PCDHA7: variants seen among roughly 807,000 people sequenced by gnomAD.
PCDHA7 encodes the protein protocadherin alpha 7.
Under a neutral mutation model 57.2 loss-of-function variants are expected in PCDHA7, and 37 were observed. The observed-to-expected ratio is 0.65, with a 90% CI of 0.50 to 0.85. PCDHA7 has a LOEUF of 0.85. Among genes scored for constraint, PCDHA7 ranks in the 40% least tolerant of loss-of-function variants. PCDHA7 has a pLI of 0.00. For missense variants in PCDHA7, 1,188 were observed against 1,241.8 expected (o/e 0.96, Z 0.65); for synonymous variants, 553 against 558.8 (o/e 0.99, Z 0.15).
intron 1 of PCDHA7, among the ~76,000 whole-genome samples, chr5:140,960,254 C>T (rs2095534958): frequency 6.6e-6 from 1 of 152,138 alleles, no homozygotes; most frequent in South Asian, 2.1e-4. Flanking sequence ...CTTCCTGGAG[C>T]TTCTGATAAA....
intron 1 of PCDHA7, chr5:140,876,266 A>T: frequency 6.2e-7 from 1 of 1,614,012 alleles, no homozygotes; most frequent in South Asian, 1.1e-5. Context: ...ATCCAACTAA[A>T]TGCTTCCGAT....
chr5:140,942,316 A>G (rs1197832358), intron 1 of PCDHA7, among the ~76,000 whole-genome samples: 1 of 152,100 alleles, frequency 6.6e-6, no homozygotes, highest in Non-Finnish European at 1.5e-5. Flanking sequence ...AGGTCGAGGC[A>G]CAAGAATCAC....
chr5:140,876,191 C>T (rs1313911800), intron 1 of PCDHA7: 3 of 1,613,760 alleles, frequency 1.9e-6, no homozygotes, highest in Non-Finnish European at 2.5e-6. Context: ...GACAATGGTC[C>T]GGCGTTTGAT....
intron 1 of PCDHA7, among the ~76,000 whole-genome samples, chr5:140,944,130 G>C (rs141500614): frequency 3.9e-4 from 60 of 152,256 alleles, no homozygotes; most frequent in Non-Finnish European, 7.9e-4. Context: ...AGAAGAAAAG[G>C]TTGAAGATTA....
chr5:140,987,536 A>G (rs555442118), intron 3 of PCDHA7, among the ~76,000 whole-genome samples: 126 of 152,290 alleles, frequency 8.3e-4, no homozygotes, highest in Non-Finnish European at 1.6e-3. Context: ...TCCTGGGACC[A>G]TTACTTAACT....
chr5:140,855,926 G>A lies in PCDHA7; in HGVS notation c.2355+19188G>A, dbSNP rs1420815177. On this transcript the variant is annotated intron_variant, in intron 1 of 3. Transcript: ENST00000525929. ...AGTTTCTCAAGGACTAGGAAGTAGC[G>A]TCATTCTGAGATCTCAGCCATTTCG... is the stretch of plus-strand genomic sequence containing the variant. 2.4e-6 allele frequency: 3 copies of A among 1,256,218 alleles called. 1 individual carries two copies. The highest frequency in any genetic ancestry group is 3.3e-6 in the Non-Finnish European group (3 of 905,286). 77.8% of individuals were successfully genotyped at this position (1,256,218 alleles called of 1,614,324 possible). A position where few individuals can be genotyped will look rare whatever the true frequency, so the allele number is the denominator to read the frequency against.
intron 1 of PCDHA7, among the ~76,000 whole-genome samples, chr5:140,904,548 A>T (rs1280388333): frequency 1.3e-5 from 2 of 152,050 alleles, no homozygotes; most frequent in Admixed American, 1.3e-4. Flanking sequence ...TCTTTTTCAT[A>T]TAATGACTTT....
intron 1 of PCDHA7, chr5:140,877,626 C>T: frequency 6.2e-7 from 1 of 1,613,828 alleles, no homozygotes; most frequent in African/African-American, 1.3e-5. Context: ...TGCTGCTGTA[C>T]ACTGCGCTGC....
intron 1 of PCDHA7, among the ~76,000 whole-genome samples, chr5:140,959,621 A>G (rs1198133284): frequency 6.6e-6 from 1 of 152,152 alleles, no homozygotes; most frequent in African/African-American, 2.4e-5. Flanking sequence ...CTTGTGATAG[A>G]AAAAAAGAGA....
chr5:140,850,537 G>T (rs115218749), intron 1 of PCDHA7: 1 of 1,598,212 alleles, frequency 6.3e-7, no homozygotes, highest in Non-Finnish European at 8.6e-7. Context: ...TCATCGTCGC[G>T]GGCGTCAGTG....
At position 140,842,876 on chromosome 5, in the gene PCDHA7, G is replaced by C. The variant is rs78119592; in HGVS notation, c.2355+6138G>C. On this transcript the variant is annotated intron_variant, in intron 1 of 3. Coordinates refer to ENST00000525929, the MANE Select transcript of PCDHA7 (RefSeq NM_018910.3). ...GCACACGGAGAGCGGCAAGGTGTAC[G>C]CGCTGCAGCCGCTGGACCACGAGGA... The C allele has an allele frequency of 5.6e-6, 9 of 1,593,878 alleles. 1 individual carries two copies. Among genetic ancestry groups the C allele is most frequent in the Non-Finnish European group, 7.7e-6 (9 of 1,165,430 alleles).
rs782398517 is a variant in PCDHA7, at chr5:140,857,600, G to A, written c.2355+20862G>A. The A allele has an allele frequency of 5.0e-6, 8 of 1,596,228 alleles. No homozygotes were observed. In the African/African-American group the frequency reaches 9.4e-5, roughly 19 times the overall value. ...GCACGCGGAGAGCGGCAAGGTGTAC[G>A]CGCTGCAGCCGCTGGACCACGAGGA... is the stretch of plus-strand genomic sequence containing the variant. On this transcript the variant is annotated intron_variant, in intron 1 of 3. Transcript: ENST00000525929.
At chr5:140,922,577 T>C (rs155818) in intron 1 of PCDHA7, among the ~76,000 whole-genome samples, 48,013 of 152,060 alleles carry the variant, frequency 0.32, 7,938 homozygotes, top group East Asian at 0.53. Flanking sequence ...AGTTGCCCTG[T>C]AGCCGCCAGT....
chr5:140,881,909 G>T (rs941994896), intron 1 of PCDHA7: 6 of 230,500 alleles, frequency 2.6e-5, no homozygotes, highest in Non-Finnish European at 5.1e-5. Context: ...AATATAAAAT[G>T]TTGAGCAGAA....
chr5:140,858,776 C>T, intron 1 of PCDHA7: 1 of 420,692 alleles, frequency 2.4e-6, no homozygotes, highest in Non-Finnish European at 4.3e-6. Flanking sequence ...GAGATTAGTA[C>T]TTCATGTTAT....
At chr5:141,003,052 A>G (rs782531629) in intron 3 of PCDHA7, among the ~76,000 whole-genome samples, 17 of 152,230 alleles carry the variant, frequency 1.1e-4, no homozygotes, top group Non-Finnish European at 1.9e-4. Context: ...CCTTAACAGA[A>G]CAGTTCCAAA....
At chr5:140,898,511 G>A (rs373963449) in intron 1 of PCDHA7, among the ~76,000 whole-genome samples, 16 of 151,912 alleles carry the variant, frequency 1.1e-4, no homozygotes, top group South Asian at 4.2e-4. Context: ...GATATGCGGC[G>A]TTATTTCTGA....
intron 1 of PCDHA7, among the ~76,000 whole-genome samples, chr5:140,846,989 C>CG (rs1310758236): frequency 2.0e-5 from 3 of 149,196 alleles, no homozygotes; most frequent in African/African-American, 7.4e-5. Context: ...AAGTTCCCCC[C>CG]GGGAGAATAT....
intron 1 of PCDHA7, chr5:140,871,086 G>A (rs556097993): frequency 6.6e-5 from 106 of 1,613,256 alleles, no homozygotes; most frequent in Middle Eastern, 1.6e-4. Flanking sequence ...TGACGGCCAC[G>A]GCCACCGTGC....
Sources: gnomAD v4.1 joint callset for allele counts (sites outside exome capture counted in the v4.1 genomes callset) on GRCh38, gnomAD v4.1.1 for gene constraint, MANE v1.5 for transcripts, NCBI Gene and HGNC (gene_info 2026-07-23, HGNC 2026-07-21) for gene names.